Variants in IPP observed in about 807,000 individuals in gnomAD.
IPP encodes the protein intracisternal A particle-promoted polypeptide.
A neutral mutation model predicts 64.1 loss-of-function variants in IPP; 41 were observed. That is an observed-to-expected ratio of 0.64 (90% CI 0.50 to 0.83). IPP has a LOEUF of 0.83. Ranked by LOEUF, IPP falls within the 40% of genes least tolerant of loss-of-function variation. IPP has a pLI of 0.00. For missense variants in IPP, 649 were observed against 703.0 expected, an observed-to-expected ratio of 0.92 and a Z score of 0.87; for synonymous variants, 214 against 235.2, an observed-to-expected ratio of 0.91 and a Z score of 0.83.
intron 5 of IPP, among the ~76,000 whole-genome samples, chr1:45,724,703 C>T (rs1645785663): frequency 6.6e-6 from 1 of 151,520 alleles, no homozygotes; most frequent in South Asian, 2.1e-4. Flanking sequence ...CGTCTCTGCC[C>T]GGCCGCCCCG....
chr1:45,706,374 G>A (rs1272595192), intron 8 of IPP, among the ~76,000 whole-genome samples: 1 of 152,182 alleles, frequency 6.6e-6, no homozygotes, highest in East Asian at 1.9e-4. Context: ...GCTAAATTGG[G>A]AGGATTACTT....
intron 8 of IPP, among the ~76,000 whole-genome samples, chr1:45,706,572 C>T (rs957773151): frequency 1.3e-5 from 2 of 152,176 alleles, no homozygotes; most frequent in Non-Finnish European, 2.9e-5. Flanking sequence ...CCCTCAGCCC[C>T]CCAAGTAGCT....
intron 6 of IPP, among the ~76,000 whole-genome samples, chr1:45,718,759 TG>T (rs1171381465): frequency 6.6e-6 from 1 of 152,134 alleles, no homozygotes; most frequent in Non-Finnish European, 1.5e-5. Context: ...TTATAAACAT[TG>T]CATATTCTCA....
chr1:45,725,358 C>T (rs1379680636), intron 5 of IPP, among the ~76,000 whole-genome samples: 3 of 144,454 alleles, frequency 2.1e-5, no homozygotes, highest in Non-Finnish European at 4.6e-5. Context: ...GCCCCCCGCC[C>T]GGCCAGCCAC....
intron 6 of IPP, among the ~76,000 whole-genome samples, chr1:45,718,874 G>A (rs1411403499): frequency 6.6e-6 from 1 of 151,012 alleles, no homozygotes; most frequent in Non-Finnish European, 1.5e-5. Context: ...GGGGTGGGGA[G>A]GGAGGAGGTG....
chr1:45,740,120 A>C (rs745378258), intron 3 of IPP, among the ~76,000 whole-genome samples: 1 of 152,190 alleles, frequency 6.6e-6, no homozygotes, highest in African/African-American at 2.4e-5. Flanking sequence ...CCCATTTTTC[A>C]GAGAGCACAG....
At position 45,725,722 on chromosome 1, in the gene IPP, CTT is replaced by C. The variant is rs541954319; in HGVS notation, c.1048+1907_1048+1908del. Among the ~76,000 whole-genome samples, 79 of 140,046 alleles carry C rather than the reference CTT, an allele frequency of 5.6e-4. 3 individuals are homozygous for C. In the South Asian group the frequency reaches 0.018, roughly 33 times the overall value. 91.9% of individuals were successfully genotyped at this position (140,046 alleles called of 152,430 possible). The stretch of plus-strand genomic sequence containing the variant: ...TGTGGATAGAAGTAGACATGGGAGA[CTT>C]TTCATTTTGTTCTGTACTAAGAAAA... On this transcript the variant is annotated intron_variant, in intron 5 of 8. Coordinates refer to ENST00000396478, the MANE Select transcript of IPP (RefSeq NM_005897.3).
chr1:45,723,953 G>C (rs28508523), intron 5 of IPP, among the ~76,000 whole-genome samples: 2 of 149,156 alleles, frequency 1.3e-5, no homozygotes, highest in Non-Finnish European at 3.0e-5. Context: ...CTTGAGCTCA[G>C]GAGTTCCTCT....
chr1:45,711,225 C>T (rs1395884540), intron 8 of IPP, among the ~76,000 whole-genome samples: 1 of 151,118 alleles, frequency 6.6e-6, no homozygotes. Flanking sequence ...GCTTGTAGTC[C>T]CAGCTACTCG....
At position 45,699,217 on chromosome 1, in the gene IPP, A is replaced by C. The variant is rs1030489822; in HGVS notation, c.*749T>G. On this transcript the variant is annotated 3_prime_UTR_variant, in exon 9 of 9. Coordinates refer to ENST00000396478, the MANE Select transcript of IPP (RefSeq NM_005897.3). ...CTATTAAAATAGCTAGATATTTCCC[A>C]AACACCCCTCCTAGGATATCTGCTG... 1 of 985,246 alleles carries C rather than the reference A, an allele frequency of 1.0e-6. No individual in the cohort carries two copies. The allele number at this position is 985,246 out of a possible 1,614,324, so 61.0% of individuals were successfully genotyped here. A position where few individuals can be genotyped will look rare whatever the true frequency, so the allele number is the denominator to read the frequency against.
At chr1:45,735,466 C>CTTTTTTTTTTTTTTTTTTTTTTTTTTTTG (rs756979985) in intron 3 of IPP, among the ~76,000 whole-genome samples, 1 of 57,948 alleles carries the variant, frequency 1.7e-5, no homozygotes, top group Non-Finnish European at 3.1e-5. Flanking sequence ...TTTAATTTTG[C>CTTTTTTTTTTTTTTTTTTTTTTTTTTTTG]TTTTTTTTTT....
At chr1:45,747,445 G>C (rs1048503799) in intron 1 of IPP, among the ~76,000 whole-genome samples, 1 of 152,076 alleles carries the variant, frequency 6.6e-6, no homozygotes, top group African/African-American at 2.4e-5. Context: ...TCTGAATCCA[G>C]GCCTTCTTAC....
intron 5 of IPP, among the ~76,000 whole-genome samples, chr1:45,723,129 T>C (rs572445288): frequency 6.6e-6 from 1 of 152,316 alleles, no homozygotes; most frequent in East Asian, 1.9e-4. Flanking sequence ...AATTATATCT[T>C]AATTTAAAAA....
rs183948137 is a variant in IPP, at chr1:45,733,126, A to C, written c.725-3357T>G. 3.1e-3 allele frequency among the ~76,000 whole-genome samples: 465 copies of C among 152,266 alleles called. 1 individual carries two copies. Among genetic ancestry groups the C allele is most frequent in the Non-Finnish European group, 4.5e-3 (305 of 68,008 alleles). Reference sequence around the variant, plus strand: ...TGAAAGAGAATTCCTTAGATATTCAATCAGAAAAATCAAGTCATGGCCAGG... The same window carrying C: ...TGAAAGAGAATTCCTTAGATATTCACTCAGAAAAATCAAGTCATGGCCAGG... On this transcript the variant is annotated intron_variant, in intron 3 of 8. Transcript: ENST00000396478.
chr1:45,732,361 C>CAAAAAAAAAA (rs779442718), intron 3 of IPP, among the ~76,000 whole-genome samples: 2 of 59,750 alleles, frequency 3.3e-5, no homozygotes, highest in African/African-American at 8.5e-5. Flanking sequence ...GACTCCACCT[C>CAAAAAAAAAA]AAAAAAAAAA....
At chr1:45,707,297 C>T (rs1645524151) in intron 8 of IPP, among the ~76,000 whole-genome samples, 1 of 151,828 alleles carries the variant, frequency 6.6e-6, no homozygotes, top group South Asian at 2.1e-4. Context: ...GTGGTGGGCG[C>T]CTGTAGTCCC....
downstream of IPP, among the ~76,000 whole-genome samples, chr1:45,696,024 T>C (rs373865686): frequency 1.3e-5 from 2 of 152,204 alleles, no homozygotes; most frequent in Non-Finnish European, 2.9e-5. Flanking sequence ...TCTACTCAGA[T>C]TGTTTTGATA....
Position 45,714,232 on chromosome 1 carries a change from A to G in IPP, c.1530+14T>C. The G allele has an allele frequency of 6.4e-7, 1 of 1,571,254 alleles. No homozygotes were observed. The highest frequency in any genetic ancestry group is 8.8e-7 in the Non-Finnish European group (1 of 1,140,962). ...AATATCAGGATACTAAATATCTGAA[A>G]TCATCCAACCTACCTCTTCAAAGGA... is the stretch of plus-strand genomic sequence containing the variant. On this transcript the variant is annotated intron_variant, in intron 8 of 8. Transcript: ENST00000396478.
chr1:45,731,462 G>C (rs1467718667), intron 3 of IPP, among the ~76,000 whole-genome samples: 2 of 152,142 alleles, frequency 1.3e-5, no homozygotes, highest in African/African-American at 4.8e-5. Context: ...AACAAAGGTG[G>C]CAAGAACACA....
Sources: allele counts gnomAD v4.1 joint callset (sites outside exome capture counted in the v4.1 genomes callset), GRCh38; gene constraint gnomAD v4.1.1; transcripts MANE v1.5; gene names NCBI Gene and HGNC (gene_info 2026-07-23, HGNC 2026-07-21).